SLAMF6: variants seen among roughly 807,000 people sequenced by gnomAD.
The protein encoded by SLAMF6 is NK-T-B-antigen.
A neutral mutation model predicts 38.3 loss-of-function variants in SLAMF6; 21 were observed. The ratio of observed to expected loss-of-function variants is 0.55; its 90% CI spans 0.39 to 0.79. The LOEUF is 0.79. Among genes scored for constraint, SLAMF6 ranks in the 30% least tolerant of loss-of-function variants. SLAMF6 has a pLI of 0.00. For synonymous variants in SLAMF6, 152 were observed against 146.3 expected (o/e 1.04, Z -0.28); for missense variants, 341 against 385.3 (o/e 0.89, Z 0.96).
chr1:160,511,454 A>G (rs1227507732), intron 1 of SLAMF6, among the ~76,000 whole-genome samples: 2 of 152,224 alleles, frequency 1.3e-5, no homozygotes, highest in African/African-American at 2.4e-5. Context: ...CAAGAGTGCT[A>G]AGATCATTCA....
chr1:160,488,757 T>C (rs536043371), intron 6 of SLAMF6, among the ~76,000 whole-genome samples: 2 of 152,266 alleles, frequency 1.3e-5, no homozygotes, highest in South Asian at 4.1e-4. Flanking sequence ...CAGCAAGTAT[T>C]TACTGATCAT....
chr1:160,489,189 AC>A lies in SLAMF6; in HGVS notation c.797-20del. 1 of 1,613,648 alleles carries A rather than the reference AC, an allele frequency of 6.2e-7. No homozygotes were observed. Among genetic ancestry groups the A allele is most frequent in the South Asian group, 1.1e-5 (1 of 91,074 alleles). ...GACTCTGCTGTTAACATAGGAAGGC[AC>A]AGTCAATGGCACAAGGACTCTGGGA... On this transcript the variant is annotated intron_variant, in intron 5 of 7. Transcript: ENST00000368057.
In SLAMF6 at chr1:160,520,886, C is replaced by T. The variant is rs562244796; in HGVS notation, c.49+2258G>A. ...AATCACTCCAGGCTCTTTCCTGCATCACGGCTTTTCACACATGATTCCCTC... is the reference window on the plus strand; with the variant it reads ...AATCACTCCAGGCTCTTTCCTGCATTACGGCTTTTCACACATGATTCCCTC... On this transcript the variant is annotated intron_variant, in intron 1 of 7. Transcript: ENST00000368057. 2.0e-5 allele frequency among the ~76,000 whole-genome samples: 3 copies of T among 152,276 alleles called. No individual in the cohort carries two copies. In the South Asian group the frequency reaches 6.2e-4, roughly 32 times the overall value.
chr1:160,503,118 A>G lies in SLAMF6; in HGVS notation c.50-6725T>C, dbSNP rs16832097. ...TCCTTTTCTTTTGAGACTGAAAAGAATAAGGTTAAAGATCTCAAAAGATTT... is the reference window on the plus strand; with the variant it reads ...TCCTTTTCTTTTGAGACTGAAAAGAGTAAGGTTAAAGATCTCAAAAGATTT... On this transcript the variant is annotated intron_variant, in intron 1 of 7. Coordinates refer to ENST00000368057, the MANE Select transcript of SLAMF6 (RefSeq NM_001184714.2). Among the ~76,000 whole-genome samples the G allele has an allele frequency of 9.3e-3, 1,418 of 152,302 alleles. 29 individuals are homozygous for G. The highest frequency in any genetic ancestry group is 0.033 in the African/African-American group (1,354 of 41,554).
chr1:160,501,813 C>G (rs1653911663), intron 1 of SLAMF6, among the ~76,000 whole-genome samples: 1 of 150,628 alleles, frequency 6.6e-6, no homozygotes, highest in African/African-American at 2.4e-5. Context: ...CTGTTTGCCT[C>G]TTATATTTAT....
chr1:160,504,223 T>G (rs10797069), intron 1 of SLAMF6, among the ~76,000 whole-genome samples: 129,699 of 151,968 alleles, frequency 0.85, 56,011 homozygotes, highest in Non-Finnish European at 0.93. Context: ...ATACTTATAT[T>G]ATTGTATTGT....
intron 4 of SLAMF6, among the ~76,000 whole-genome samples, 153 bp downstream of exon 4, chr1:160,490,422 C>T (rs1653222935): frequency 2.0e-5 from 3 of 152,148 alleles, no homozygotes; most frequent in Admixed American, 2.0e-4. Context: ...CAAGATCACA[C>T]CCAGGGATTA....
intron 1 of SLAMF6, among the ~76,000 whole-genome samples, chr1:160,498,562 C>T (rs1653718202): frequency 6.6e-6 from 1 of 152,108 alleles, no homozygotes; most frequent in South Asian, 2.1e-4. Context: ...GACTTATTCA[C>T]TATCATGAGA....
At chr1:160,510,541 C>T (rs930353302) in intron 1 of SLAMF6, among the ~76,000 whole-genome samples, 1 of 152,048 alleles carries the variant, frequency 6.6e-6, no homozygotes, top group South Asian at 2.1e-4. Context: ...AAACCAGCAC[C>T]TTTTAAATAA....
chr1:160,506,930 T>C (rs1246867229), intron 1 of SLAMF6, among the ~76,000 whole-genome samples: 1 of 151,924 alleles, frequency 6.6e-6, no homozygotes, highest in Non-Finnish European at 1.5e-5. Context: ...GAATCTAAAC[T>C]TAAAAATATA....
chr1:160,490,161 T>G, intron 5 of SLAMF6, 37 bp downstream of exon 5: 3 of 1,609,358 alleles, frequency 1.9e-6, no homozygotes, highest in Non-Finnish European at 8.5e-7. Flanking sequence ...TCTTCCCATC[T>G]GCTTTATGAT....
intron 1 of SLAMF6, among the ~76,000 whole-genome samples, chr1:160,514,545 A>C (rs1336616401): frequency 6.6e-6 from 1 of 152,170 alleles, no homozygotes; most frequent in Non-Finnish European, 1.5e-5. Flanking sequence ...ACAACAACAG[A>C]ATATTCATTC....
intron 1 of SLAMF6, among the ~76,000 whole-genome samples, chr1:160,504,142 G>T (rs12097429): frequency 0.034 from 5,178 of 151,948 alleles, 341 homozygotes; most frequent in African/African-American, 0.12. Flanking sequence ...GGGAGATGTA[G>T]GTCACAGGGT....
chr1:160,506,638 G>T (rs1654202403), intron 1 of SLAMF6, among the ~76,000 whole-genome samples: 1 of 152,142 alleles, frequency 6.6e-6, no homozygotes, highest in African/African-American at 2.4e-5. Context: ...CAGTATTCTT[G>T]CATTTTTGCT....
chr1:160,487,278 A>G, intron 6 of SLAMF6, 103 bp from the exon 7 acceptor site: 1 of 1,030,934 alleles, frequency 9.7e-7, no homozygotes, highest in East Asian at 2.5e-5. Context: ...GAATATGTCA[A>G]AGTTCTTCCA....
Position 160,490,669 on chromosome 1 carries a change from A to G in SLAMF6, c.663T>C (p.Tyr221=). 6.2e-7 allele frequency: 1 copy of G among 1,613,154 alleles called. No homozygotes were observed. The highest frequency in any genetic ancestry group is 8.5e-7 in the Non-Finnish European group (1 of 1,179,674). The part of the protein sequence containing the change: ...QKLCEDVKIQ[Y]TDTKMILFMV... ...TAAACAGAATCATTTTGGTATCTGT[A>G]TATTGAATTTTAACATCTGAAAAGA... The change falls in exon 4 of 8, where the codon TAT becomes TAC. Residue 221 remains tyrosine (Y), a synonymous_variant. Coordinates refer to ENST00000368057, the MANE Select transcript of SLAMF6 (RefSeq NM_001184714.2).
chr1:160,514,060 G>T (rs985834074), intron 1 of SLAMF6, among the ~76,000 whole-genome samples: 3 of 152,156 alleles, frequency 2.0e-5, no homozygotes, highest in African/African-American at 7.2e-5. Flanking sequence ...CCATTTAAAA[G>T]ACACAGAATG....
In SLAMF6 at chr1:160,490,596, G is replaced by GT; in HGVS notation, c.735dup (p.Leu246ThrfsTer56). 6.2e-7 allele frequency: 1 copy of GT among 1,613,562 alleles called. No individual in the cohort carries two copies. The highest frequency in any genetic ancestry group is 8.5e-7 in the Non-Finnish European group (1 of 1,179,822). On this transcript the variant is annotated frameshift_variant, in exon 4 of 8. Transcript: ENST00000368057. LOFTEE classifies it high-confidence loss of function. ...CTGCCTCTTCTTTTCCTCAAAACAA[G>GT]TAACAGCAGTATGATGAAACCGAAG... is the stretch of plus-strand genomic sequence containing the variant.
chr1:160,495,022 T>C (rs1486685562), intron 2 of SLAMF6, among the ~76,000 whole-genome samples: 1 of 152,218 alleles, frequency 6.6e-6, no homozygotes, highest in Non-Finnish European at 1.5e-5. Context: ...TGTTTGGTGT[T>C]CTATTCTTCA....
Sources: gnomAD v4.1 joint callset for allele counts (sites outside exome capture counted in the v4.1 genomes callset) on GRCh38, gnomAD v4.1.1 for gene constraint, MANE v1.5 for transcripts, NCBI Gene and HGNC (gene_info 2026-07-23, HGNC 2026-07-21) for gene names.